SDCBP2: variants seen among roughly 807,000 people sequenced by gnomAD.
SDCBP2 encodes the protein syntenin-2.
SDCBP2 carries 28 observed loss-of-function variants against 30.7 expected under a neutral mutation model. That is an observed-to-expected ratio of 0.91 (90% CI 0.68 to 1.25). SDCBP2 has a LOEUF of 1.25. Ranked by LOEUF, SDCBP2 falls within the 50% of genes most tolerant of loss-of-function variation. The probability of loss-of-function intolerance (pLI) is 0.00; values close to 1 mark genes in which losing one functional copy is unlikely to be tolerated. For synonymous variants in SDCBP2, 166 were observed against 157.3 expected, an observed-to-expected ratio of 1.06 and a Z score of -0.41; for missense variants, 399 against 379.0, an observed-to-expected ratio of 1.05 and a Z score of -0.44.
At chr20:1,310,697 C>T in intron 8 of SDCBP2, 103 bp downstream of exon 8, 1 of 1,129,032 alleles carries the variant, frequency 8.9e-7, no homozygotes, top group Non-Finnish European at 1.3e-6. Context: ...TGTGTCAGCA[C>T]TGAGAAAGTG....
rs372634909 is a variant in SDCBP2 at position 1,310,428 on chromosome 20, C to A, written c.*13G>T. 6 of 1,613,064 alleles carry A rather than the reference C, an allele frequency of 3.7e-6. No homozygotes were observed. Among genetic ancestry groups the A allele is most frequent in the Non-Finnish European group, 5.1e-6 (6 of 1,179,782 alleles). The stretch of plus-strand genomic sequence containing the variant: ...CGGGAAGCCCCCCCTGCCTGCCCTG[C>A]CCTGCAGTGGCTTCAGGCATCTGGG... On this transcript the variant is annotated 3_prime_UTR_variant, in exon 9 of 9. Transcript: ENST00000360779.
At position 1,313,055 on chromosome 20, in the gene SDCBP2, G is replaced by A. The variant is rs1203535775; in HGVS notation, c.384+285C>T. On this transcript the variant is annotated intron_variant, in intron 5 of 8. Coordinates refer to ENST00000360779, the MANE Select transcript of SDCBP2 (RefSeq NM_080489.5). This position sits in a 1 kb window ranked among gnomAD's most constrained non-coding sequence, Gnocchi z 5.2. ...TTCCCTGGCGTCGGCTGTCTACACC[G>A]TCGCCTGGAAGCTAGATGCCCTGGG... 8 of 586,490 alleles carry A rather than the reference G, an allele frequency of 1.4e-5. No individual in the cohort carries two copies. The highest frequency in any genetic ancestry group is 4.1e-5 in the South Asian group (2 of 48,840). The allele number at this position is 586,490 out of a possible 1,614,324, so 36.3% of individuals were successfully genotyped here. A position where few individuals can be genotyped will look rare whatever the true frequency, so the allele number is the denominator to read the frequency against.
intron 4 of SDCBP2, 39 bp downstream of exon 4, chr20:1,318,279 A>G (rs2088807345): frequency 1.5e-6 from 2 of 1,355,218 alleles, no homozygotes; most frequent in Non-Finnish European, 2.1e-6. Flanking sequence ...GAGGATTGGG[A>G]GGTTCTGCGC....
chr20:1,323,745 C>A (rs987339467), intron 1 of SDCBP2: 2 of 152,188 alleles, frequency 1.3e-5, no homozygotes, highest in African/African-American at 2.4e-5. Flanking sequence ...TACTTTAAAT[C>A]ATCTCTAGAT....
Position 1,320,215 on chromosome 20 carries a change from T to C in SDCBP2, c.54+148A>G. ...CGCCATTGGCATTGCCCCCTGGATG[T>C]CTTCTCTGCCCAGCAGGCCCTGCAG... On this transcript the variant is annotated intron_variant, in intron 2 of 8. Transcript: ENST00000360779. This position sits in a 1 kb window ranked among gnomAD's most constrained non-coding sequence, Gnocchi z 4.7. 1 of 693,196 alleles carries C rather than the reference T, an allele frequency of 1.4e-6. No individual in the cohort carries two copies. 42.9% of individuals were successfully genotyped at this position (693,196 alleles called of 1,614,324 possible). A position where few individuals can be genotyped will look rare whatever the true frequency, so the allele number is the denominator to read the frequency against.
At chr20:1,317,862 C>T (rs371932479) in intron 4 of SDCBP2, 2 of 325,432 alleles carry the variant, frequency 6.1e-6, no homozygotes, top group East Asian at 8.3e-5. Flanking sequence ...AATATGTTTT[C>T]AGTGGCATAT....
chr20:1,323,683 CT>C (rs761814206), intron 1 of SDCBP2: 2 of 152,178 alleles, frequency 1.3e-5, no homozygotes, highest in Non-Finnish European at 2.9e-5. Flanking sequence ...GCTTATGTCC[CT>C]TACATAAAGT....
chr20:1,310,386 C>T lies in SDCBP2; in HGVS notation c.*55G>A. 3.8e-6 allele frequency: 6 copies of T among 1,581,076 alleles called. No homozygotes were observed. Among genetic ancestry groups the T allele is most frequent in the Non-Finnish European group, 5.2e-6 (6 of 1,153,086 alleles). On this transcript the variant is annotated 3_prime_UTR_variant, in exon 9 of 9. Transcript: ENST00000360779. ...CAACCCATCATCCGAGGGTGGTTGCCCTTTGCTGCAGGAGGGCGGGAAGCC... is the reference window on the plus strand; with the variant it reads ...CAACCCATCATCCGAGGGTGGTTGCTCTTTGCTGCAGGAGGGCGGGAAGCC...
In SDCBP2 at chr20:1,310,358, C is replaced by T; in HGVS notation, c.*83G>A. 7.0e-7 allele frequency: 1 copy of T among 1,430,028 alleles called. No homozygotes were observed. Among genetic ancestry groups the T allele is most frequent in the Non-Finnish European group, 9.8e-7 (1 of 1,021,192 alleles). 88.6% of individuals were successfully genotyped at this position (1,430,028 alleles called of 1,614,324 possible). On this transcript the variant is annotated 3_prime_UTR_variant, in exon 9 of 9. Coordinates refer to ENST00000360779, the MANE Select transcript of SDCBP2 (RefSeq NM_080489.5). ...GCCCCCACCTTAAGCAGCAGGCCGG[C>T]TGCAACCCATCATCCGAGGGTGGTT...
intron 1 of SDCBP2, among the ~76,000 whole-genome samples, chr20:1,327,563 T>C (rs551917307): frequency 6.6e-6 from 1 of 152,340 alleles, no homozygotes. Flanking sequence ...GGGGAAAAGC[T>C]GTGACTTCCT....
In SDCBP2 at chr20:1,312,653, G is replaced by C. The variant is rs1335095958; in HGVS notation, c.494C>G (p.Ser165Trp). The C allele has an allele frequency of 1.2e-6, 2 of 1,614,014 alleles. No homozygotes were observed. The highest frequency in any genetic ancestry group is 1.7e-6 in the Non-Finnish European group (2 of 1,180,034). Residue 165 changes from serine to tryptophan, a missense_variant, in exon 6 of 9, where the codon TCG becomes TGG. Ser to Trp is a radical substitution (Grantham distance 177). Coordinates refer to ENST00000360779, the MANE Select transcript of SDCBP2 (RefSeq NM_080489.5). ...CTTCACCACCTGATGGGCTTTGTGC[G>C]AGCTCCACCCAGCACAGTCACGCCC... ...IDGRDCAGWSSHKAHQVVKKA... is the reference protein window; with the variant it reads ...IDGRDCAGWSWHKAHQVVKKA...
At chr20:1,328,116 T>C (rs775365805) in intron 1 of SDCBP2, among the ~76,000 whole-genome samples, 7 of 150,252 alleles carry the variant, frequency 4.7e-5, no homozygotes, top group Non-Finnish European at 8.9e-5. Context: ...CAGGTGGGAG[T>C]TGGTGTTGTG....
chr20:1,313,226 T>C lies in SDCBP2; in HGVS notation c.384+114A>G, dbSNP rs1234269934. 1 of 1,140,024 alleles carries C rather than the reference T, an allele frequency of 8.8e-7. No individual in the cohort carries two copies. The highest frequency in any genetic ancestry group is 2.0e-5 in the Admixed American group (1 of 48,804). 70.6% of individuals were successfully genotyped at this position (1,140,024 alleles called of 1,614,324 possible). On this transcript the variant is annotated intron_variant, in intron 5 of 8. Coordinates refer to ENST00000360779, the MANE Select transcript of SDCBP2 (RefSeq NM_080489.5). The surrounding 1 kb of genome is among the most constrained non-coding windows in gnomAD (Gnocchi z 5.2). ...GGGGCAAGAGCCTGGCCGCTGGGGT[T>C]AGGAGGCCCGCTCTGCACCTTCCTT...
At chr20:1,315,745 G>A (rs757746591) in intron 4 of SDCBP2, among the ~76,000 whole-genome samples, 19 of 151,854 alleles carry the variant, frequency 1.3e-4, no homozygotes, top group Non-Finnish European at 8.8e-5. Flanking sequence ...CAAAGTATGA[G>A]CCACAAAAGA....
Position 1,310,417 on chromosome 20 carries a change from T to A in SDCBP2, c.*24A>T, listed in dbSNP as rs1284456378. 1 of 1,612,112 alleles carries A rather than the reference T, an allele frequency of 6.2e-7. No individual in the cohort carries two copies. The highest frequency in any genetic ancestry group is 1.7e-5 in the Admixed American group (1 of 59,960). ...CTGCAGGAGGGCGGGAAGCCCCCCC[T>A]GCCTGCCCTGCCCTGCAGTGGCTTC... is the stretch of plus-strand genomic sequence containing the variant. On this transcript the variant is annotated 3_prime_UTR_variant, in exon 9 of 9. Coordinates refer to ENST00000360779, the MANE Select transcript of SDCBP2 (RefSeq NM_080489.5).
At position 1,313,266 on chromosome 20, in the gene SDCBP2, C is replaced by T; in HGVS notation, c.384+74G>A. ...GCACCTTCCTTACTGTGGACGGGCC[C>T]TCTGAGCTCTGAGGCCTGGCGGGAG... is the stretch of plus-strand genomic sequence containing the variant. On this transcript the variant is annotated intron_variant, in intron 5 of 8. Coordinates refer to ENST00000360779, the MANE Select transcript of SDCBP2 (RefSeq NM_080489.5). The surrounding 1 kb of genome is among the most constrained non-coding windows in gnomAD (Gnocchi z 5.2). 4.7e-6 allele frequency: 7 copies of T among 1,491,992 alleles called. No individual in the cohort carries two copies. The South Asian group carries it at 8.4e-5, about 18-fold the overall frequency. 92.4% of individuals were successfully genotyped at this position (1,491,992 alleles called of 1,614,324 possible). A position where few individuals can be genotyped will look rare whatever the true frequency, so the allele number is the denominator to read the frequency against.
At chr20:1,326,550 T>A (rs978297929) in intron 1 of SDCBP2, among the ~76,000 whole-genome samples, 1 of 152,238 alleles carries the variant, frequency 6.6e-6, no homozygotes, top group Admixed American at 6.5e-5. Flanking sequence ...TCATGCCTTC[T>A]CTCTTTTCCT....
intron 8 of SDCBP2, 140 bp from the exon 9 acceptor site, chr20:1,310,635 A>G: frequency 3.9e-6 from 4 of 1,024,146 alleles, no homozygotes; most frequent in Non-Finnish European, 5.8e-6. Flanking sequence ...AGAAGCCACA[A>G]GCTACCTTGG....
At chr20:1,323,459 G>A (rs1435431387) in intron 1 of SDCBP2, 1 of 152,156 alleles carries the variant, frequency 6.6e-6, no homozygotes, top group Non-Finnish European at 1.5e-5. Context: ...GGGAGAGCAG[G>A]GAGTCAGAGA....
Sources: gnomAD v4.1 joint callset for allele counts (sites outside exome capture counted in the v4.1 genomes callset) on GRCh38, gnomAD v4.1.1 for gene constraint, Gnocchi (gnomAD v3.1) non-coding constraint, MANE v1.5 for transcripts, NCBI Gene and HGNC (gene_info 2026-07-23, HGNC 2026-07-21) for gene names.